Variants in BRINP3 observed in about 807,000 individuals in gnomAD.
BRINP3 encodes the protein BMP/retinoic acid-inducible neural-specific protein 3.
In BRINP3, 19 loss-of-function variants were observed where a neutral mutation model predicts 71.0. That is an observed-to-expected ratio of 0.27 (90% confidence interval 0.19 to 0.39). The LOEUF is 0.39. BRINP3 is among the 10% of genes least tolerant of loss of function. The pLI is 1.00. For missense variants in BRINP3, 959 were observed against 940.8 expected, an observed-to-expected ratio of 1.02 and a Z score of -0.25; for synonymous variants, 380 against 337.7, an observed-to-expected ratio of 1.13 and a Z score of -1.37.
At chr1:190,161,828 C>T (rs1405702509) in intron 6 of BRINP3, among the ~76,000 whole-genome samples, 2 of 152,116 alleles carry the variant, frequency 1.3e-5, no homozygotes, top group Non-Finnish European at 2.9e-5. Flanking sequence ...AGTTCTGACA[C>T]ATGCTACAGC....
chr1:190,374,020 G>C (rs149932815), intron 2 of BRINP3, among the ~76,000 whole-genome samples: 3 of 151,502 alleles, frequency 2.0e-5, no homozygotes, highest in African/African-American at 7.3e-5. Context: ...ACACTTAGGG[G>C]CATGGTCTTA....
At chr1:190,202,823 G>C (rs1013703280) in intron 6 of BRINP3, among the ~76,000 whole-genome samples, 1 of 152,108 alleles carries the variant, frequency 6.6e-6, no homozygotes, top group African/African-American at 2.4e-5. Context: ...ATGTAGAACT[G>C]TAAGTCCAAT....
At chr1:190,351,320 G>C (rs2102049077) in intron 2 of BRINP3, among the ~76,000 whole-genome samples, 1 of 152,058 alleles carries the variant, frequency 6.6e-6, no homozygotes, top group African/African-American at 2.4e-5. Flanking sequence ...TAGAAAGATT[G>C]CTAACATATG....
At chr1:190,150,848 C>T (rs954475118) in intron 7 of BRINP3, among the ~76,000 whole-genome samples, 1 of 151,852 alleles carries the variant, frequency 6.6e-6, no homozygotes, top group Non-Finnish European at 1.5e-5. Context: ...GGTGTCTATC[C>T]CTGGCCACAA....
At chr1:190,230,113 T>TTAAAAGGAA (rs1657821014) in intron 5 of BRINP3, among the ~76,000 whole-genome samples, 1 of 151,684 alleles carries the variant, frequency 6.6e-6, no homozygotes, top group African/African-American at 2.4e-5. Flanking sequence ...AAGAATACGT[T>TTAAAAGGAA]TAAAAGGAAT....
chr1:190,248,618 A>G (rs1571501367), intron 4 of BRINP3, among the ~76,000 whole-genome samples: 1 of 151,642 alleles, frequency 6.6e-6, no homozygotes, highest in East Asian at 1.9e-4. Flanking sequence ...CTGATTGCAT[A>G]GTTCTAAACT....
At chr1:190,436,374 C>T (rs1674454379) in intron 2 of BRINP3, among the ~76,000 whole-genome samples, 1 of 151,666 alleles carries the variant, frequency 6.6e-6, no homozygotes, top group Admixed American at 6.6e-5. Context: ...GTGGACAACG[C>T]CAGAGCCAAG....
At chr1:190,453,252 G>A (rs1306102441) in intron 2 of BRINP3, among the ~76,000 whole-genome samples, 2 of 90,288 alleles carry the variant, frequency 2.2e-5, no homozygotes, top group East Asian at 3.5e-4. Flanking sequence ...ACGGAGGCTC[G>A]CTCTGTCGCC....
intron 2 of BRINP3, among the ~76,000 whole-genome samples, chr1:190,354,760 G>T (rs1668620023): frequency 1.3e-5 from 2 of 149,572 alleles, no homozygotes; most frequent in Non-Finnish European, 1.5e-5. Flanking sequence ...CTCTTAAAAG[G>T]TCTTCTAAGT....
At chr1:190,272,224 A>G (rs927753999) in intron 3 of BRINP3, among the ~76,000 whole-genome samples, 11 of 151,598 alleles carry the variant, frequency 7.3e-5, no homozygotes, top group African/African-American at 2.7e-4. Context: ...GGTGTATACC[A>G]TAATACACTT....
intron 6 of BRINP3, among the ~76,000 whole-genome samples, chr1:190,217,398 T>C (rs1656505567): frequency 6.6e-6 from 1 of 151,980 alleles, no homozygotes; most frequent in Non-Finnish European, 1.5e-5. Context: ...AACTATTACA[T>C]GTGCTCTTTC....
intron 6 of BRINP3, among the ~76,000 whole-genome samples, chr1:190,208,691 C>G (rs1406553382): frequency 6.6e-6 from 1 of 151,884 alleles, no homozygotes; most frequent in African/African-American, 2.4e-5. Flanking sequence ...GACGGGATTT[C>G]ACCATGTGGC....
chr1:190,105,440 C>T (rs1309897583), intron 7 of BRINP3, among the ~76,000 whole-genome samples: 1 of 152,120 alleles, frequency 6.6e-6, no homozygotes, highest in Non-Finnish European at 1.5e-5. Context: ...CTGATGTTAA[C>T]ATTCATTGAG....
chr1:190,399,709 C>G (rs1477131199), intron 2 of BRINP3, among the ~76,000 whole-genome samples: 1 of 151,954 alleles, frequency 6.6e-6, no homozygotes, highest in Non-Finnish European at 1.5e-5. Flanking sequence ...AAAAGTCTCT[C>G]TTACTGTAAA....
rs12032357 is a variant in BRINP3 at position 190,278,820 on chromosome 1, C to T, written c.427+2740G>A. Among the ~76,000 whole-genome samples, 4 of 151,406 alleles carry T rather than the reference C, an allele frequency of 2.6e-5. No individual in the cohort carries two copies. In the East Asian group the frequency reaches 5.8e-4, roughly 22 times the overall value. On this transcript the variant is annotated intron_variant, in intron 3 of 7. Coordinates refer to ENST00000367462, the MANE Select transcript of BRINP3 (RefSeq NM_199051.3). ...ATACTGCCATCACTGGAAGAATCAACCTCAAGTGAATAATCTTACAAATTT... is the reference window on the plus strand; with the variant it reads ...ATACTGCCATCACTGGAAGAATCAATCTCAAGTGAATAATCTTACAAATTT...
chr1:190,453,402 G>A (rs954756671), intron 2 of BRINP3, among the ~76,000 whole-genome samples: 1 of 150,530 alleles, frequency 6.6e-6, no homozygotes, highest in Non-Finnish European at 1.5e-5. Flanking sequence ...TGTATTTTTA[G>A]TAGAGACGGG....
In BRINP3 at chr1:190,365,977, C is replaced by T. The variant is rs937966475; in HGVS notation, c.237-84227G>A. Among the ~76,000 whole-genome samples, 34 of 151,620 alleles carry T rather than the reference C, an allele frequency of 2.2e-4. 1 individual carries two copies. Among genetic ancestry groups the T allele is most frequent in the Admixed American group, 1.8e-3 (28 of 15,208 alleles). On this transcript the variant is annotated intron_variant, in intron 2 of 7. Transcript: ENST00000367462. ...AAATAATGGCTTTCCAAAGAAATAA[C>T]ACAAACCTTCCCCTGAGGCATAAAG...
At chr1:190,229,891 G>A (rs1483544151) in intron 5 of BRINP3, among the ~76,000 whole-genome samples, 1 of 151,868 alleles carries the variant, frequency 6.6e-6, no homozygotes, top group African/African-American at 2.4e-5. Context: ...ATGGTATAGA[G>A]GGTGTCAAAC....
rs1045525520 is a variant in BRINP3 at position 190,369,395 on chromosome 1, A to G, written c.236+85260T>C. On this transcript the variant is annotated intron_variant, in intron 2 of 7. Transcript: ENST00000367462. ...CAAATTTCATTTTAAAACCAGAATT[A>G]ATATAATTAAGCTTTAAATTAAAGG... is the stretch of plus-strand genomic sequence containing the variant. 3.3e-5 allele frequency among the ~76,000 whole-genome samples: 5 copies of G among 152,238 alleles called. No individual in the cohort carries two copies. In the East Asian group the frequency reaches 7.7e-4, roughly 24 times the overall value.
Sources: allele counts gnomAD v4.1 joint callset (sites outside exome capture counted in the v4.1 genomes callset), GRCh38; gene constraint gnomAD v4.1.1; transcripts MANE v1.5; gene names NCBI Gene and HGNC (gene_info 2026-07-23, HGNC 2026-07-21).